NCAM1: variants seen among roughly 807,000 people sequenced by gnomAD.
NCAM1 encodes neural cell adhesion molecule 1.
In NCAM1, 14 loss-of-function variants were observed where a neutral mutation model predicts 109.8. The ratio of observed to expected loss-of-function variants is 0.13; its 90% confidence interval spans 0.08 to 0.20. The LOEUF (loss-of-function observed/expected upper bound fraction) is 0.20, where lower values mean the gene tolerates loss of function less well. Ranked by LOEUF, NCAM1 falls within the 10% of genes least tolerant of loss-of-function variation. The pLI is 1.00. For synonymous variants in NCAM1, 418 were observed against 442.9 expected, an observed-to-expected ratio of 0.94 and a Z score of 0.70; for missense variants, 774 against 1,109.9, an observed-to-expected ratio of 0.70 and a Z score of 4.30.
At chr11:113,085,698 G>T (rs79386775) in intron 1 of NCAM1, among the ~76,000 whole-genome samples, 2,927 of 152,138 alleles carry the variant, frequency 0.019, 67 homozygotes, top group East Asian at 0.087. Context: ...TACTTGTTTT[G>T]TCTGCTGCTC....
intron 1 of NCAM1, among the ~76,000 whole-genome samples, chr11:113,184,440 T>C (rs1185275059): frequency 6.6e-6 from 1 of 152,246 alleles, no homozygotes; most frequent in Non-Finnish European, 1.5e-5. Flanking sequence ...GCTATCCTTT[T>C]AACTACCATT....
chr11:113,067,626 C>G (rs1938030124), intron 1 of NCAM1, among the ~76,000 whole-genome samples: 1 of 152,214 alleles, frequency 6.6e-6, no homozygotes, highest in Non-Finnish European at 1.5e-5. Context: ...CTCACTAGTT[C>G]TACCACCTGT....
rs782456348 is a variant in NCAM1 at position 112,961,453 on chromosome 11, G to C, written c.-160G>C. 179 of 771,242 alleles carry C rather than the reference G, an allele frequency of 2.3e-4. No individual in the cohort carries two copies. The highest frequency in any genetic ancestry group is 1.6e-4 in the Non-Finnish European group (65 of 415,136). The allele number at this position is 771,242 out of a possible 1,614,324, so 47.8% of individuals were successfully genotyped here. On this transcript the variant is annotated 5_prime_UTR_variant, in exon 1 of 20. Transcript: ENST00000316851. ...TCCGATCAGCGCGTGAACGCAGCTC[G>C]GCTGCCGCTGGCAGGAAACAATTCT...
chr11:113,175,552 T>A lies in NCAM1; in HGVS notation c.53-26827T>A, dbSNP rs74444736. Reference sequence around the variant, plus strand: ...TTTCAATATGCCTTATGTGTATATTTGGTTTTAGATCAAGGCCTAGCCTAA... The same window carrying A: ...TTTCAATATGCCTTATGTGTATATTAGGTTTTAGATCAAGGCCTAGCCTAA... On this transcript the variant is annotated intron_variant, in intron 1 of 19. Transcript: ENST00000316851. 7.6e-3 allele frequency among the ~76,000 whole-genome samples: 1,151 copies of A among 152,342 alleles called. 14 individuals are homozygous for A. Among genetic ancestry groups the A allele is most frequent in the African/African-American group, 0.026 (1,070 of 41,578 alleles).
chr11:112,964,862 G>A (rs1341932280), intron 1 of NCAM1, among the ~76,000 whole-genome samples: 2 of 152,058 alleles, frequency 1.3e-5, no homozygotes, highest in African/African-American at 4.8e-5. Context: ...TTAAAAACAG[G>A]GAATATAATC....
chr11:113,148,810 T>G (rs2136249998), intron 1 of NCAM1, among the ~76,000 whole-genome samples: 1 of 152,288 alleles, frequency 6.6e-6, no homozygotes, highest in African/African-American at 2.4e-5. Flanking sequence ...GAAAGCTGCT[T>G]GGCTCCAAGG....
intron 1 of NCAM1, among the ~76,000 whole-genome samples, chr11:113,183,025 C>G (rs143326604): frequency 0.012 from 1,800 of 152,302 alleles, 25 homozygotes; most frequent in African/African-American, 0.041. Context: ...AGTTGTTTGA[C>G]TATAGAGGTG....
At chr11:113,260,487 T>TG (rs1309603750) in intron 17 of NCAM1, 164 bp downstream of exon 17, 3 of 703,076 alleles carry the variant, frequency 4.3e-6, no homozygotes, top group Non-Finnish European at 6.8e-6. Flanking sequence ...ATCTGTGCAG[T>TG]GGGGTGAGAT....
intron 1 of NCAM1, among the ~76,000 whole-genome samples, chr11:113,173,830 G>A (rs186873459): frequency 4.6e-5 from 7 of 152,058 alleles, no homozygotes; most frequent in East Asian, 1.9e-4. Flanking sequence ...AGTCAGCACG[G>A]CAGGGCTGGT....
At chr11:112,994,485 G>T (rs1951540427) in intron 1 of NCAM1, among the ~76,000 whole-genome samples, 2 of 152,098 alleles carry the variant, frequency 1.3e-5, no homozygotes, top group South Asian at 4.2e-4. Flanking sequence ...TGTTTATGTG[G>T]TGGCTCTTTT....
rs147862075 is a variant in NCAM1 at position 113,019,900 on chromosome 11, T to G, written c.52+58236T>G. On this transcript the variant is annotated intron_variant, in intron 1 of 19. Transcript: ENST00000316851. ...ACCTTTGGCTCTTTCATTGCCGTTT[T>G]TCTGCATCTGTGTGGTAGTCTTTGT... Among the ~76,000 whole-genome samples the G allele has an allele frequency of 1.3e-3, 192 of 152,370 alleles. 1 individual carries two copies. In the East Asian group the frequency reaches 0.026, roughly 21 times the overall value.
At chr11:113,186,177 G>A (rs1365622088) in intron 1 of NCAM1, among the ~76,000 whole-genome samples, 1 of 152,218 alleles carries the variant, frequency 6.6e-6, no homozygotes, top group Non-Finnish European at 1.5e-5. Flanking sequence ...ACCAGGCCAT[G>A]GCCTGTTAGA....
intron 1 of NCAM1, among the ~76,000 whole-genome samples, chr11:113,177,526 C>T (rs1309350010): frequency 2.6e-5 from 4 of 152,106 alleles, no homozygotes; most frequent in African/African-American, 4.8e-5. Context: ...CTCTGCCTCC[C>T]GGGTTCAAGT....
intron 1 of NCAM1, among the ~76,000 whole-genome samples, chr11:113,030,153 G>T (rs1952672205): frequency 6.6e-6 from 1 of 152,164 alleles, no homozygotes; most frequent in Non-Finnish European, 1.5e-5. Context: ...TATGAGTAGT[G>T]CCTGTCTAAT....
intron 17 of NCAM1, chr11:113,264,735 G>A (rs561096172): frequency 1.6e-4 from 154 of 985,396 alleles, no homozygotes; most frequent in Admixed American, 1.0e-3. Context: ...GAGGACTGAC[G>A]TGGCCCTGTC....
chr11:113,212,003 G>T (rs895020892), intron 7 of NCAM1, among the ~76,000 whole-genome samples: 4 of 152,174 alleles, frequency 2.6e-5, no homozygotes, highest in Non-Finnish European at 5.9e-5. Flanking sequence ...TAGAGGGCAG[G>T]GGGTGTAGGA....
chr11:113,127,779 A>G (rs1347465779), intron 1 of NCAM1, among the ~76,000 whole-genome samples: 1 of 152,186 alleles, frequency 6.6e-6, no homozygotes, highest in African/African-American at 2.4e-5. Flanking sequence ...CCTACAAGAG[A>G]CAGAAATAGT....
chr11:113,029,058 T>C (rs1181785144), intron 1 of NCAM1, among the ~76,000 whole-genome samples: 1 of 152,232 alleles, frequency 6.6e-6, no homozygotes, highest in African/African-American at 2.4e-5. Flanking sequence ...CTGTGACTAA[T>C]GTAAATCCCA....
intron 9 of NCAM1, among the ~76,000 whole-genome samples, chr11:113,227,264 C>G (rs1476567046): frequency 6.6e-6 from 1 of 151,830 alleles, no homozygotes; most frequent in Non-Finnish European, 1.5e-5. Flanking sequence ...CCACTGATCC[C>G]ACAGAAATAC....
Sources: gnomAD v4.1 joint callset for allele counts (sites outside exome capture counted in the v4.1 genomes callset) on GRCh38, gnomAD v4.1.1 for gene constraint, MANE v1.5 for transcripts, NCBI Gene and HGNC (gene_info 2026-07-23, HGNC 2026-07-21) for gene names.